The following OTOGL variants were observed in gnomAD, a reference collection of about 807,000 sequenced individuals.
OTOGL encodes otogelin like.
In OTOGL, 285 loss-of-function variants were observed where a neutral mutation model predicts 318.5. The observed-to-expected ratio is 0.89, with a 90% CI of 0.81 to 0.99. OTOGL has a LOEUF of 0.99. Ranked by LOEUF, OTOGL falls within the 50% of genes least tolerant of loss-of-function variation. The pLI is 0.00. For synonymous variants in OTOGL, 987 were observed against 936.5 expected (o/e 1.05, Z -0.99); for missense variants, 2,899 against 2,845.6 (o/e 1.02, Z -0.43).
chr12:80,129,759 G>A (rs1871123072), intron 1 of OTOGL, among the ~76,000 whole-genome samples: 1 of 151,990 alleles, frequency 6.6e-6, no homozygotes, highest in South Asian at 2.1e-4. Flanking sequence ...AGTCACCTGT[G>A]ACCTTTTAGA....
intron 46 of OTOGL, 104 bp downstream of exon 46, chr12:80,353,614 C>A: frequency 1.1e-6 from 1 of 908,418 alleles, no homozygotes; most frequent in South Asian, 4.1e-5. Flanking sequence ...TCAAAGACAG[C>A]CTCTGTTGGA....
chr12:80,241,860 C>G (rs756877844), intron 11 of OTOGL, among the ~76,000 whole-genome samples: 1 of 152,016 alleles, frequency 6.6e-6, no homozygotes, highest in Non-Finnish European at 1.5e-5. Context: ...CTACATTTTT[C>G]CTTTTGTCGA....
At chr12:80,169,593 T>C (rs931774676) in intron 1 of OTOGL, among the ~76,000 whole-genome samples, 1 of 152,226 alleles carries the variant, frequency 6.6e-6, no homozygotes, top group African/African-American at 2.4e-5. Flanking sequence ...TGAGAATGAA[T>C]AATGTCATGT....
chr12:80,220,289 A>G (rs1878180562), intron 6 of OTOGL, among the ~76,000 whole-genome samples: 1 of 152,068 alleles, frequency 6.6e-6, no homozygotes, highest in African/African-American at 2.4e-5. Context: ...CCTCCCTAGT[A>G]GCTGGGACTA....
At position 80,353,343 on chromosome 12, in the gene OTOGL, G is replaced by T; in HGVS notation, c.5426G>T (p.Gly1809Val). ...TTCAAAGCCCTGAGTTGCCCAGAGG[G>T]GAAGGAATATCAACCCTGTGTGCGA... ...PDYCSLSCPEGKEYQPCVRPC... is the reference protein window; with the variant it reads ...PDYCSLSCPEVKEYQPCVRPC... Residue 1809 changes from glycine to valine, a missense_variant, in exon 46 of 59, where the codon GGG becomes GTG. Gly to Val is a moderately radical substitution (Grantham distance 109, BLOSUM62 -3). Transcript: ENST00000547103. 1 of 1,575,242 alleles carries T rather than the reference G, an allele frequency of 6.3e-7. No individual in the cohort carries two copies.
rs932890315 is a variant in OTOGL at position 80,210,850 on chromosome 12, A to G, written c.83A>G (p.Tyr28Cys). Reference sequence around the variant, plus strand: ...CTTATATATTTGTCTCTGGCAGAATATATTTGTGCATCGTCTATATTGATG... The same window carrying G: ...CTTATATATTTGTCTCTGGCAGAATGTATTTGTGCATCGTCTATATTGATG... The part of the protein sequence containing the change: ...LHVLLFSLQE[Y>C]ICASSILMGT... Residue 28 changes from tyrosine to cysteine, a missense_variant, in exon 3 of 59, where the codon TAT (tyrosine) becomes TGT (cysteine). Coordinates refer to ENST00000547103, the MANE Select transcript of OTOGL (RefSeq NM_001378609.3). The G allele has an allele frequency of 1.6e-5, 23 of 1,470,546 alleles. No homozygotes were observed. The highest frequency in any genetic ancestry group is 2.2e-5 in the Admixed American group (1 of 46,236). 91.1% of individuals were successfully genotyped at this position (1,470,546 alleles called of 1,614,324 possible). A position where few individuals can be genotyped will look rare whatever the true frequency, so the allele number is the denominator to read the frequency against.
chr12:80,248,570 C>A (rs1208233392), intron 11 of OTOGL, among the ~76,000 whole-genome samples: 27 of 127,278 alleles, frequency 2.1e-4, no homozygotes, highest in Non-Finnish European at 4.2e-4. Flanking sequence ...GAGGGTAACC[C>A]GACCTTTCTC....
chr12:80,270,002 A>T, intron 22 of OTOGL, 100 bp from the exon 23 acceptor site: 1 of 955,886 alleles, frequency 1.0e-6, no homozygotes, highest in Non-Finnish European at 1.6e-6. Flanking sequence ...TGTATAATGT[A>T]CTCAATCAAT....
chr12:80,247,257 G>T (rs78246257), intron 11 of OTOGL, among the ~76,000 whole-genome samples: 16,632 of 148,526 alleles, frequency 0.11, 1,698 homozygotes, highest in African/African-American at 0.18. Flanking sequence ...TGTGATGTTA[G>T]GCTGTCAATT....
chr12:80,264,876 A>C (rs1882823845), intron 19 of OTOGL, 125 bp from the exon 20 acceptor site: 1 of 1,000,172 alleles, frequency 1.0e-6, no homozygotes, highest in African/African-American at 1.6e-5. Context: ...TATAAGCTGA[A>C]ATTGTTCACT....
chr12:80,130,530 C>G lies in OTOGL; in HGVS notation c.-20+30925C>G, dbSNP rs150369122. 4.0e-3 allele frequency among the ~76,000 whole-genome samples: 615 copies of G among 152,220 alleles called. 4 individuals are homozygous for G. Among genetic ancestry groups the G allele is most frequent in the African/African-American group, 0.014 (592 of 41,528 alleles). On this transcript the variant is annotated intron_variant, in intron 1 of 58. Transcript: ENST00000547103. ...AGAACAGACAAGGGAAGATGTTATACAAGTTCTCAAAGGAAATGGAAGTCA... is the reference window on the plus strand; with the variant it reads ...AGAACAGACAAGGGAAGATGTTATAGAAGTTCTCAAAGGAAATGGAAGTCA...
chr12:80,320,992 C>G (rs1887297538), intron 34 of OTOGL, among the ~76,000 whole-genome samples: 1 of 152,074 alleles, frequency 6.6e-6, no homozygotes, highest in Non-Finnish European at 1.5e-5. Context: ...TTATTACTAC[C>G]AGTGCTGTCT....
At chr12:80,102,485 T>G (rs1313489089) in intron 1 of OTOGL, among the ~76,000 whole-genome samples, 3 of 152,230 alleles carry the variant, frequency 2.0e-5, no homozygotes, top group African/African-American at 7.2e-5. Flanking sequence ...CTATGTCCAC[T>G]TGATTACCAA....
intron 1 of OTOGL, among the ~76,000 whole-genome samples, chr12:80,126,553 G>T (rs896461790): frequency 1.3e-5 from 2 of 152,058 alleles, no homozygotes; most frequent in African/African-American, 4.8e-5. Flanking sequence ...ATGTCTATTG[G>T]GTCCGCTTGG....
chr12:80,333,006 T>C lies in OTOGL; in HGVS notation c.4350T>C (p.Val1450=), dbSNP rs761679250. 11 of 1,590,036 alleles carry C rather than the reference T, an allele frequency of 6.9e-6. No homozygotes were observed. In the South Asian group the frequency reaches 1.0e-4, roughly 15 times the overall value. ...PAKPTVPMFT[V]WEMITPSDIT... is the part of the protein sequence containing the mutation. ...GGATTACTTTTTCATTTCTGACAGT[T>C]TGGGAAATGATTACTCCATCAGACA... The change falls in exon 38 of 59, where the codon GTT becomes GTC. Residue 1450 remains valine (V), a splice_region_variant and synonymous_variant. Transcript: ENST00000547103.
intron 37 of OTOGL, among the ~76,000 whole-genome samples, chr12:80,330,442 G>T (rs536358958): frequency 6.6e-6 from 1 of 152,284 alleles, no homozygotes; most frequent in African/African-American, 2.4e-5. Context: ...GGAGAAGGTG[G>T]AGGTACTTCG....
At chr12:80,243,588 C>T (rs12299346) in intron 11 of OTOGL, among the ~76,000 whole-genome samples, 3 of 151,314 alleles carry the variant, frequency 2.0e-5, no homozygotes, top group Admixed American at 6.6e-5. Context: ...TTCCAAATTA[C>T]GTGTGATATT....
chr12:80,378,072 T>C lies in OTOGL; in HGVS notation c.*24T>C. ...AAACCCTTGGGTTCCAAGAGCTCTA[T>C]ACAACATCATAACGTCAGATAGAAT... is the stretch of plus-strand genomic sequence containing the variant. On this transcript the variant is annotated 3_prime_UTR_variant, in exon 59 of 59. Coordinates refer to ENST00000547103, the MANE Select transcript of OTOGL (RefSeq NM_001378609.3). 1 of 1,480,680 alleles carries C rather than the reference T, an allele frequency of 6.8e-7. No individual in the cohort carries two copies. The highest frequency in any genetic ancestry group is 1.2e-5 in the South Asian group (1 of 80,944). The allele number at this position is 1,480,680 out of a possible 1,614,324, so 91.7% of individuals were successfully genotyped here.
At chr12:80,362,319 A>G (rs949316438) in intron 52 of OTOGL, among the ~76,000 whole-genome samples, 1 of 152,098 alleles carries the variant, frequency 6.6e-6, no homozygotes, top group Non-Finnish European at 1.5e-5. Context: ...TGGATTCTCT[A>G]TTCTGTTTTA....
Sources: gnomAD v4.1 joint callset for allele counts (sites outside exome capture counted in the v4.1 genomes callset) on GRCh38, gnomAD v4.1.1 for gene constraint, MANE v1.5 for transcripts, NCBI Gene and HGNC (gene_info 2026-07-23, HGNC 2026-07-21) for gene names.